The following DLGAP2 variants were observed in gnomAD, a reference collection of about 807,000 sequenced individuals.
DLGAP2 encodes disks large-associated protein 2.
DLGAP2 carries 26 observed loss-of-function variants against 100.3 expected under a neutral mutation model. That is an observed-to-expected ratio of 0.26 (90% CI 0.19 to 0.36). The LOEUF (loss-of-function observed/expected upper bound fraction) is 0.36. Ranked by LOEUF, DLGAP2 falls within the 10% of genes least tolerant of loss-of-function variation. The pLI, the probability that DLGAP2 is intolerant of heterozygous loss-of-function variation, is 1.00. For missense variants in DLGAP2, 1,858 were observed against 1,453.2 expected (o/e 1.28, Z -4.53); for synonymous variants, 886 against 630.1 (o/e 1.41, Z -6.08).
chr8:1,372,771 T>C (rs529721255), intron 3 of DLGAP2, among the ~76,000 whole-genome samples: 1 of 152,334 alleles, frequency 6.6e-6, no homozygotes, highest in East Asian at 1.9e-4. Context: ...TCTTATTAAT[T>C]GTACTGCAAT....
chr8:1,130,759 A>G (rs1414894682), intron 2 of DLGAP2, among the ~76,000 whole-genome samples: 1 of 152,222 alleles, frequency 6.6e-6, no homozygotes, highest in Non-Finnish European at 1.5e-5. Context: ...TGGTGCAGTC[A>G]TCTTTGCGGG....
chr8:1,055,437 C>A (rs559498539), intron 2 of DLGAP2, among the ~76,000 whole-genome samples: 2 of 152,244 alleles, frequency 1.3e-5, no homozygotes, highest in South Asian at 4.1e-4. Flanking sequence ...AGGTTCCTTA[C>A]CTATGAATGT....
intron 2 of DLGAP2, among the ~76,000 whole-genome samples, chr8:1,010,358 C>A (rs1000954753): frequency 6.6e-6 from 1 of 151,816 alleles, no homozygotes; most frequent in African/African-American, 2.4e-5. Context: ...CATGCACACA[C>A]GCACTCATTC....
chr8:1,518,091 C>G (rs527777899), intron 4 of DLGAP2, among the ~76,000 whole-genome samples: 1 of 152,222 alleles, frequency 6.6e-6, no homozygotes, highest in Non-Finnish European at 1.5e-5. Flanking sequence ...TCTGGTGCAT[C>G]TCAGACAGCC....
intron 3 of DLGAP2, among the ~76,000 whole-genome samples, chr8:1,500,724 A>G (rs1799692697): frequency 6.6e-6 from 1 of 152,264 alleles, no homozygotes; most frequent in Admixed American, 6.5e-5. Context: ...CCACATGCTG[A>G]TGTCATTCTA....
intron 2 of DLGAP2, among the ~76,000 whole-genome samples, chr8:1,192,512 C>G (rs1022507709): frequency 6.6e-6 from 1 of 152,014 alleles, no homozygotes; most frequent in African/African-American, 2.4e-5. Flanking sequence ...ACCTGCTCCT[C>G]CGTCTGTCTG....
intron 1 of DLGAP2, among the ~76,000 whole-genome samples, chr8:881,492 CTCTCTTTTTTTTTTT>C (rs1374856635): frequency 2.3e-5 from 3 of 128,154 alleles, no homozygotes; most frequent in Admixed American, 9.1e-5. Context: ...ACCATTTCAT[CTCTCTTTTTTTTTTT>C]TTTTTTTTTT....
chr8:1,377,359 A>G (rs1041992843), intron 3 of DLGAP2, among the ~76,000 whole-genome samples: 2 of 152,188 alleles, frequency 1.3e-5, no homozygotes, highest in Admixed American at 6.5e-5. Context: ...CCTGGGTAAT[A>G]TGGTGAAACC....
At chr8:1,172,352 A>G (rs994781100) in intron 2 of DLGAP2, among the ~76,000 whole-genome samples, 1 of 151,408 alleles carries the variant, frequency 6.6e-6, no homozygotes, top group Non-Finnish European at 1.5e-5. Flanking sequence ...GAATCTGACC[A>G]TTATGTGTCT....
intron 3 of DLGAP2, among the ~76,000 whole-genome samples, chr8:1,417,695 C>CACGGGGAGGCCTCACTCCTGCCTCACT: frequency 6.9e-6 from 1 of 144,610 alleles, no homozygotes; most frequent in African/African-American, 2.7e-5. Flanking sequence ...GCACAGGGGG[C>CACGGGGAGGCCTCACTCCTGCCTCACT]CCCACTCCTG....
chr8:916,537 T>C (rs1381371751), intron 2 of DLGAP2, among the ~76,000 whole-genome samples: 1 of 152,064 alleles, frequency 6.6e-6, no homozygotes, highest in African/African-American at 2.4e-5. Flanking sequence ...GGGATAGCAT[T>C]AGGAGAAATA....
At chr8:891,135 C>CCA (rs1798026379) in intron 1 of DLGAP2, 1 of 152,382 alleles carries the variant, frequency 6.6e-6, no homozygotes, top group African/African-American at 2.4e-5. Context: ...AGGCACCCCC[C>CCA]CCCCAGTTGC....
chr8:1,670,630 G>C (rs1017181075), intron 10 of DLGAP2, among the ~76,000 whole-genome samples: 3 of 152,212 alleles, frequency 2.0e-5, no homozygotes, highest in African/African-American at 7.2e-5. Context: ...TGCTGGGTGA[G>C]GATGGATGCA....
intron 2 of DLGAP2, among the ~76,000 whole-genome samples, chr8:1,226,363 C>G (rs944808330): frequency 2.6e-5 from 4 of 152,090 alleles, no homozygotes; most frequent in African/African-American, 9.7e-5. Context: ...AGCAAACTAA[C>G]ACAGGAAAAG....
intron 3 of DLGAP2, among the ~76,000 whole-genome samples, chr8:1,365,632 C>G (rs531742511): frequency 1.3e-5 from 2 of 152,298 alleles, no homozygotes; most frequent in South Asian, 4.1e-4. Flanking sequence ...ATGGCATTGA[C>G]CTGTCTCCAA....
chr8:1,071,963 C>T (rs561758981), intron 2 of DLGAP2, among the ~76,000 whole-genome samples: 2 of 152,262 alleles, frequency 1.3e-5, no homozygotes, highest in South Asian at 2.1e-4. Context: ...GCTGGCTGTA[C>T]GTGGTTTCTC....
intron 3 of DLGAP2, among the ~76,000 whole-genome samples, chr8:1,307,611 C>A (rs958161890): frequency 6.6e-6 from 1 of 152,108 alleles, no homozygotes; most frequent in African/African-American, 2.4e-5. Context: ...GGAAGCAGCC[C>A]ACGTGTGCAA....
intron 6 of DLGAP2, among the ~76,000 whole-genome samples, chr8:1,622,625 C>A (rs114782531): frequency 6.6e-6 from 1 of 152,240 alleles, no homozygotes; most frequent in East Asian, 1.9e-4. Context: ...CTTTCCGTCT[C>A]GCCTGTTTGT....
At chr8:878,507 A>G (rs948651895) in intron 1 of DLGAP2, among the ~76,000 whole-genome samples, 1 of 152,134 alleles carries the variant, frequency 6.6e-6, no homozygotes, top group African/African-American at 2.4e-5. Flanking sequence ...TTCTAGGAAA[A>G]TGGGTTAGGA....
Sources: gnomAD v4.1 joint callset for allele counts (sites outside exome capture counted in the v4.1 genomes callset) on GRCh38, gnomAD v4.1.1 for gene constraint, MANE v1.5 for transcripts, NCBI Gene and HGNC (gene_info 2026-07-23, HGNC 2026-07-21) for gene names.